KLF5: variants seen among roughly 807,000 people sequenced by gnomAD.
The protein encoded by KLF5 is Krueppel-like factor 5.
KLF5 carries 9 observed loss-of-function variants against 36.9 expected under a neutral mutation model. That is an observed-to-expected ratio of 0.24 (90% CI 0.15 to 0.43). KLF5 has a LOEUF of 0.43. KLF5 is among the 20% of genes least tolerant of loss of function. The pLI is 1.00. For missense variants in KLF5, 524 were observed against 599.5 expected (o/e 0.87, Z 1.31); for synonymous variants, 246 against 241.7 (o/e 1.02, Z -0.17).
rs2044764825 is a variant in KLF5 at position 73,076,779 on chromosome 13, C to T, written c.*893C>T. Reference sequence around the variant, plus strand: ...GCAATGTCATTTTTAAAAAGAAGGACTTAGGGTGTCGTTTTCACATATGAC... The same window carrying T: ...GCAATGTCATTTTTAAAAAGAAGGATTTAGGGTGTCGTTTTCACATATGAC... On this transcript the variant is annotated 3_prime_UTR_variant, in exon 4 of 4. Transcript: ENST00000377687. 6.6e-6 allele frequency: 1 copy of T among 152,148 alleles called. No homozygotes were observed. Among genetic ancestry groups the T allele is most frequent in the Non-Finnish European group, 1.5e-5 (1 of 68,024 alleles). 9.4% of individuals were successfully genotyped at this position (152,148 alleles called of 1,614,324 possible).
In KLF5 at chr13:73,059,211, A is replaced by C. The variant is rs765262134; in HGVS notation, c.-117A>C. On this transcript the variant is annotated 5_prime_UTR_variant, in exon 1 of 4. Transcript: ENST00000377687. ...CTGCCTGCCGCTGTCTGAGGAGTCCACCCGAAACCTCCCCTCCTCCGCCGG... is the reference window on the plus strand; with the variant it reads ...CTGCCTGCCGCTGTCTGAGGAGTCCCCCCGAAACCTCCCCTCCTCCGCCGG... 46 of 1,026,662 alleles carry C rather than the reference A, an allele frequency of 4.5e-5. No individual in the cohort carries two copies. Among genetic ancestry groups the C allele is most frequent in the Non-Finnish European group, 5.4e-5 (43 of 793,530 alleles). 63.6% of individuals were successfully genotyped at this position (1,026,662 alleles called of 1,614,324 possible).
chr13:73,066,667 G>A (rs2044682267), intron 3 of KLF5, among the ~76,000 whole-genome samples: 1 of 152,180 alleles, frequency 6.6e-6, no homozygotes, highest in Non-Finnish European at 1.5e-5. Context: ...TAGATTGGAA[G>A]TGCTTCTTTA....
Position 73,064,518 on chromosome 13 carries a change from T to TAA in KLF5, c.1195+636_1195+637insAA, listed in dbSNP as rs1341662595. 1.5e-4 allele frequency among the ~76,000 whole-genome samples: 23 copies of TAA among 152,334 alleles called. 1 individual carries two copies. The East Asian group carries it at 4.4e-3, about 29-fold the overall frequency. ...CATATGCTTTTAAGTTTAGCTCCTC[T>TAA]ACTTTTGTATTTGCTTTGTTCAATC... On this transcript the variant is annotated intron_variant, in intron 3 of 3. Transcript: ENST00000377687.
chr13:73,059,245 C>T lies in KLF5; in HGVS notation c.-83C>T, dbSNP rs2044609452. ...CTCCCCTCCTCCGCCGGCAGCCCCG[C>T]GCTGAGCTCGCCGACCCAAGCCAGC... On this transcript the variant is annotated 5_prime_UTR_variant, in exon 1 of 4. Coordinates refer to ENST00000377687, the MANE Select transcript of KLF5 (RefSeq NM_001730.5). The T allele has an allele frequency of 8.1e-6, 10 of 1,227,908 alleles. No individual in the cohort carries two copies. The highest frequency in any genetic ancestry group is 1.0e-5 in the Non-Finnish European group (10 of 973,778). 76.1% of individuals were successfully genotyped at this position (1,227,908 alleles called of 1,614,324 possible).
In KLF5 at chr13:73,062,548, G is replaced by A. The variant is rs1305878972; in HGVS notation, c.949G>A (p.Glu317Lys). ...SEPGSPDRQA[E>K]MLQNLTPPPS... Reference sequence around the variant, plus strand: ...GCCTGGAAGTCCAGATAGACAAGCAGAGATGCTCCAGAATTTAACCCCACC... The same window carrying A: ...GCCTGGAAGTCCAGATAGACAAGCAAAGATGCTCCAGAATTTAACCCCACC... The change falls in exon 2 of 4, where the codon GAG becomes AAG. Residue 317 changes from glutamate (E) to lysine (K), a missense_variant. Physicochemically the swap from Glu to Lys is moderately conservative, Grantham distance 56 (BLOSUM62 1). Transcript: ENST00000377687. 3 of 1,614,186 alleles carry A rather than the reference G, an allele frequency of 1.9e-6. No individual in the cohort carries two copies. Among genetic ancestry groups the A allele is most frequent in the South Asian group, 2.2e-5 (2 of 91,088 alleles).
intron 3 of KLF5, 71 bp downstream of exon 3, chr13:73,063,954 A>G (rs2044659562): frequency 4.1e-6 from 4 of 966,884 alleles, no homozygotes; most frequent in Middle Eastern, 2.2e-4. Context: ...TTTAAAAGCT[A>G]ACACGTGTTT....
Position 73,059,236 on chromosome 13 carries a change from G to C in KLF5, c.-92G>C, listed in dbSNP as rs2044609184. 8.3e-7 allele frequency: 1 copy of C among 1,202,840 alleles called. No individual in the cohort carries two copies. The highest frequency in any genetic ancestry group is 3.0e-5 in the South Asian group (1 of 33,398). The allele number at this position is 1,202,840 out of a possible 1,614,324, so 74.5% of individuals were successfully genotyped here. A position where few individuals can be genotyped will look rare whatever the true frequency, so the allele number is the denominator to read the frequency against. ...ACCCGAAACCTCCCCTCCTCCGCCG[G>C]CAGCCCCGCGCTGAGCTCGCCGACC... is the stretch of plus-strand genomic sequence containing the variant. On this transcript the variant is annotated 5_prime_UTR_variant, in exon 1 of 4. Coordinates refer to ENST00000377687, the MANE Select transcript of KLF5 (RefSeq NM_001730.5).
At chr13:73,062,788 TGTCTGTGTGCGCGCGC>T (rs1250776309) in intron 2 of KLF5, 54 bp downstream of exon 2, 1 of 1,528,190 alleles carries the variant, frequency 6.5e-7, no homozygotes, top group South Asian at 1.2e-5. Context: ...TGTGTGTGTG[TGTCTGTGTGCGCGCGC>T]GTGTGCGTGT....
At chr13:73,064,668 C>G (rs899402143) in intron 3 of KLF5, among the ~76,000 whole-genome samples, 8 of 152,080 alleles carry the variant, frequency 5.3e-5, no homozygotes, top group Non-Finnish European at 1.0e-4. Context: ...TTCAGCCTCC[C>G]GAGTAGCTGG....
chr13:73,074,218 GA>G (rs1286909259), intron 3 of KLF5, among the ~76,000 whole-genome samples: 1 of 152,148 alleles, frequency 6.6e-6, no homozygotes, highest in Non-Finnish European at 1.5e-5. Flanking sequence ...ACAAATTGTA[GA>G]AATCTCAGTT....
chr13:73,069,450 ATTTATTAGCC>A (rs1291722696), intron 3 of KLF5, among the ~76,000 whole-genome samples: 1 of 151,994 alleles, frequency 6.6e-6, no homozygotes, highest in Non-Finnish European at 1.5e-5. Context: ...GAAGTATCAC[ATTTATTAGCC>A]TTTAGTATTA....
intron 1 of KLF5, 136 bp downstream of exon 1, chr13:73,059,724 A>C: frequency 1.2e-6 from 1 of 820,014 alleles, no homozygotes; most frequent in Non-Finnish European, 1.5e-6. Context: ...CTGGGTGGGC[A>C]GCCCCGCCCT....
intron 3 of KLF5, among the ~76,000 whole-genome samples, chr13:73,075,259 A>C (rs4885064): frequency 0.093 from 14,108 of 152,190 alleles, 1,415 homozygotes; most frequent in African/African-American, 0.23. Flanking sequence ...ACAGCTTCTG[A>C]ATTTTTTCCT....
chr13:73,063,713 C>A (rs1254150359), intron 2 of KLF5, 111 bp from the exon 3 acceptor site: 2 of 749,310 alleles, frequency 2.7e-6, no homozygotes, highest in Non-Finnish European at 4.6e-6. Context: ...CAAATAATCT[C>A]ATCTAGCATG....
chr13:73,061,497 A>G (rs2044634563), intron 1 of KLF5, among the ~76,000 whole-genome samples: 1 of 152,224 alleles, frequency 6.6e-6, no homozygotes, highest in South Asian at 2.1e-4. Flanking sequence ...CTGTACTCTA[A>G]TTGCAAACTT....
rs1211117917 is a variant in KLF5, at chr13:73,068,401, T to C, written c.1195+4518T>C. ...TTCAGTTTGGGTACTAAAAGATCCT[T>C]AGATATGAATTTCTTTTCTAGGGCC... is the stretch of plus-strand genomic sequence containing the variant. On this transcript the variant is annotated intron_variant, in intron 3 of 3. Coordinates refer to ENST00000377687, the MANE Select transcript of KLF5 (RefSeq NM_001730.5). 2.0e-5 allele frequency among the ~76,000 whole-genome samples: 3 copies of C among 152,302 alleles called. No individual in the cohort carries two copies. In the South Asian group the frequency reaches 6.2e-4, roughly 32 times the overall value.
In KLF5 at chr13:73,059,290, C is replaced by A; in HGVS notation, c.-38C>A. On this transcript the variant is annotated 5_prime_UTR_variant, in exon 1 of 4. Transcript: ENST00000377687. The stretch of plus-strand genomic sequence containing the variant: ...GCCAGCGTGGGCGAGGTGGGAAGTG[C>A]GCCCGACCCGCGCCTGGAGCTGCGC... 1 of 1,330,324 alleles carries A rather than the reference C, an allele frequency of 7.5e-7. No individual in the cohort carries two copies. The highest frequency in any genetic ancestry group is 9.6e-7 in the Non-Finnish European group (1 of 1,041,172). 82.4% of individuals were successfully genotyped at this position (1,330,324 alleles called of 1,614,324 possible). A position where few individuals can be genotyped will look rare whatever the true frequency, so the allele number is the denominator to read the frequency against.
At chr13:73,063,711 C>T (rs1189489025) in intron 2 of KLF5, 113 bp from the exon 3 acceptor site, 4 of 701,266 alleles carry the variant, frequency 5.7e-6, no homozygotes, top group Middle Eastern at 7.0e-4. Context: ...TTCAAATAAT[C>T]TCATCTAGCA....
intron 2 of KLF5, 114 bp downstream of exon 2, chr13:73,062,848 TTAAA>T (rs1199915887): frequency 4.7e-6 from 4 of 846,428 alleles, no homozygotes; most frequent in Admixed American, 4.9e-5. Context: ...CCTCATGGCT[TTAAA>T]TAGGAAAGTT....
Sources: gnomAD v4.1 joint callset for allele counts (sites outside exome capture counted in the v4.1 genomes callset) on GRCh38, gnomAD v4.1.1 for gene constraint, MANE v1.5 for transcripts, NCBI Gene and HGNC (gene_info 2026-07-23, HGNC 2026-07-21) for gene names.